RASGRF1: variants seen among roughly 807,000 people sequenced by gnomAD.
The protein encoded by RASGRF1 is Ras protein specific guanine nucleotide releasing factor 1, also known as ras-specific guanine nucleotide-releasing factor 1.
A neutral mutation model predicts 138.7 loss-of-function variants in RASGRF1; 40 were observed. That is an observed-to-expected ratio of 0.29 (90% CI 0.22 to 0.38). RASGRF1 has a LOEUF of 0.38. Among genes scored for constraint, RASGRF1 ranks in the 10% least tolerant of loss-of-function variants. The pLI is 1.00. For missense variants in RASGRF1, 1,108 were observed against 1,650.4 expected (o/e 0.67, Z 5.69); for synonymous variants, 614 against 663.2 (o/e 0.93, Z 1.14).
At position 79,001,799 on chromosome 15, in the gene RASGRF1, G is replaced by A; in HGVS notation, c.2450-12C>T. On this transcript the variant is annotated splice_polypyrimidine_tract_variant and intron_variant, in intron 15 of 26. Transcript: ENST00000558480. ...GGAGACTTCTGAGCCTGGGAGAAAA[G>A]AAATAAATAATTTTACTTTTCTTAA... 7.1e-7 allele frequency: 1 copy of A among 1,402,192 alleles called. No homozygotes were observed. The highest frequency in any genetic ancestry group is 9.4e-7 in the Non-Finnish European group (1 of 1,063,068). The allele number at this position is 1,402,192 out of a possible 1,614,324, so 86.9% of individuals were successfully genotyped here.
chr15:78,998,946 AG>A, intron 17 of RASGRF1, 121 bp from the exon 18 acceptor site: 2 of 715,264 alleles, frequency 2.8e-6, no homozygotes, highest in Admixed American at 4.0e-5. Flanking sequence ...GGTCATGGGC[AG>A]GGGGATAACA....
chr15:79,040,918 T>C (rs2057289617), intron 5 of RASGRF1, among the ~76,000 whole-genome samples: 2 of 152,244 alleles, frequency 1.3e-5, no homozygotes, highest in Non-Finnish European at 2.9e-5. Flanking sequence ...ATTCAACACA[T>C]AGTGATTGAG....
chr15:79,047,955 C>T (rs2057376988), intron 4 of RASGRF1, among the ~76,000 whole-genome samples: 1 of 139,196 alleles, frequency 7.2e-6, no homozygotes, highest in Non-Finnish European at 1.6e-5. Context: ...ACAGAAGAGG[C>T]CTGCCCGAGG....
intron 26 of RASGRF1, among the ~76,000 whole-genome samples, chr15:78,965,932 C>A (rs1056291935): frequency 6.6e-6 from 1 of 152,110 alleles, no homozygotes; most frequent in Non-Finnish European, 1.5e-5. Context: ...GGATTTGAAC[C>A]CAGGTGTTCC....
rs896330665 is a variant in RASGRF1 at position 78,999,591 on chromosome 15, G to A, written c.2746+152C>T. ...AGTCAATTGAAGCAGGGAGCTCCCC[G>A]AGGGTGGGTGCTTTAACAGGACCCA... On this transcript the variant is annotated intron_variant, in intron 17 of 26. Coordinates refer to ENST00000558480, the MANE Select transcript of RASGRF1 (RefSeq NM_001145648.3). The A allele has an allele frequency of 1.9e-5, 16 of 824,666 alleles. 1 individual carries two copies. The highest frequency in any genetic ancestry group is 3.7e-4 in the Middle Eastern group (1 of 2,674). 51.1% of individuals were successfully genotyped at this position (824,666 alleles called of 1,614,324 possible). A position where few individuals can be genotyped will look rare whatever the true frequency, so the allele number is the denominator to read the frequency against.
intron 2 of RASGRF1, among the ~76,000 whole-genome samples, chr15:79,059,237 C>T (rs1316130491): frequency 8.4e-6 from 1 of 118,752 alleles, no homozygotes; most frequent in African/African-American, 3.5e-5. Flanking sequence ...CCCTTCCCTT[C>T]CCTTCCCTTC....
chr15:79,061,823 T>A (rs761419909), intron 2 of RASGRF1, among the ~76,000 whole-genome samples: 2 of 152,228 alleles, frequency 1.3e-5, no homozygotes, highest in African/African-American at 2.4e-5. Context: ...ACACGCTGGC[T>A]ATTCTTAGTT....
chr15:79,030,098 T>A (rs904337751), intron 8 of RASGRF1, among the ~76,000 whole-genome samples: 1 of 152,192 alleles, frequency 6.6e-6, no homozygotes, highest in African/African-American at 2.4e-5. Context: ...ATCCTTGCCC[T>A]GATTCTCCAC....
At chr15:79,030,255 C>T (rs972950471) in intron 8 of RASGRF1, among the ~76,000 whole-genome samples, 1 of 152,146 alleles carries the variant, frequency 6.6e-6, no homozygotes, top group African/African-American at 2.4e-5. Context: ...GAGTGTTTGG[C>T]AGTGCCCTGG....
intron 2 of RASGRF1, among the ~76,000 whole-genome samples, chr15:79,062,716 G>C (rs1260036993): frequency 6.6e-6 from 1 of 151,870 alleles, no homozygotes; most frequent in Non-Finnish European, 1.5e-5. Flanking sequence ...GCTAATTTTT[G>C]TATTTTTAGT....
chr15:79,009,914 G>T (rs895722304), intron 13 of RASGRF1, among the ~76,000 whole-genome samples: 4 of 151,734 alleles, frequency 2.6e-5, no homozygotes, highest in East Asian at 1.9e-4. Flanking sequence ...TAGTAGAGAC[G>T]GGGTTTCACT....
At chr15:79,001,534 A>C in intron 16 of RASGRF1, 128 bp downstream of exon 16, 1 of 1,211,510 alleles carries the variant, frequency 8.3e-7, no homozygotes, top group Non-Finnish European at 1.1e-6. Flanking sequence ...AAATATCAGA[A>C]AAGTTACTGC....
chr15:79,059,077 C>A (rs1456400728), intron 2 of RASGRF1, among the ~76,000 whole-genome samples: 1 of 152,152 alleles, frequency 6.6e-6, no homozygotes, highest in Admixed American at 6.5e-5. Context: ...TCCCTCCCTC[C>A]TTCTGTCCCT....
chr15:79,017,150 C>T (rs1245812931), intron 12 of RASGRF1, among the ~76,000 whole-genome samples: 1 of 152,238 alleles, frequency 6.6e-6, no homozygotes, highest in Non-Finnish European at 1.5e-5. Flanking sequence ...CATTCTGGGT[C>T]TGCTCACTGG....
chr15:79,071,646 A>T (rs1378446778), intron 1 of RASGRF1, among the ~76,000 whole-genome samples: 2 of 151,836 alleles, frequency 1.3e-5, no homozygotes, highest in Admixed American at 1.3e-4. Flanking sequence ...CTGGGATCAT[A>T]GTTGTGAGCC....
At position 79,001,648 on chromosome 15, in the gene RASGRF1, T is replaced by C. The variant is rs1291093580; in HGVS notation, c.2575+14A>G. On this transcript the variant is annotated intron_variant, in intron 16 of 26. Coordinates refer to ENST00000558480, the MANE Select transcript of RASGRF1 (RefSeq NM_001145648.3). Reference sequence around the variant, plus strand: ...CTGGAAATCTATTTGTGGTTTTGAATTGGTGCATTGTACCTGAAGAATTTT... The same window carrying C: ...CTGGAAATCTATTTGTGGTTTTGAACTGGTGCATTGTACCTGAAGAATTTT... 1.2e-6 allele frequency: 2 copies of C among 1,612,658 alleles called. No homozygotes were observed. Among genetic ancestry groups the C allele is most frequent in the African/African-American group, 1.3e-5 (1 of 74,878 alleles).
chr15:79,036,696 T>C (rs1270563026), intron 5 of RASGRF1, among the ~76,000 whole-genome samples: 2 of 151,998 alleles, frequency 1.3e-5, no homozygotes, highest in South Asian at 4.1e-4. Flanking sequence ...TGAAATGTCC[T>C]GCTCATGCCT....
intron 20 of RASGRF1, among the ~76,000 whole-genome samples, chr15:78,992,021 A>G (rs1417072802): frequency 6.6e-6 from 1 of 152,188 alleles, no homozygotes; most frequent in Non-Finnish European, 1.5e-5. Flanking sequence ...CGGTGTGTGC[A>G]GCCCAGTGCT....
chr15:79,031,293 C>T (rs151209662), intron 8 of RASGRF1, 107 bp downstream of exon 8: 3 of 860,800 alleles, frequency 3.5e-6, no homozygotes, highest in Non-Finnish European at 5.4e-6. Context: ...CCCTTACAAT[C>T]CCCATCTGAA....
Sources: gnomAD v4.1 joint callset for allele counts (sites outside exome capture counted in the v4.1 genomes callset) on GRCh38, gnomAD v4.1.1 for gene constraint, MANE v1.5 for transcripts, NCBI Gene and HGNC (gene_info 2026-07-23, HGNC 2026-07-21) for gene names.